The following CTDSPL2 variants were observed in gnomAD, a reference collection of about 807,000 sequenced individuals.
The protein encoded by CTDSPL2 is CTD small phosphatase like 2, also known as CTD small phosphatase-like protein 2.
In CTDSPL2, 5 loss-of-function variants were observed where a neutral mutation model predicts 60.0. That is an observed-to-expected ratio of 0.08 (90% confidence interval 0.04 to 0.18). The LOEUF (loss-of-function observed/expected upper bound fraction) is 0.18, where lower values mean the gene tolerates loss of function less well. CTDSPL2 is among the 10% of genes least tolerant of loss of function. The probability of loss-of-function intolerance (pLI) is 1.00; values close to 1 mark genes in which losing one functional copy is unlikely to be tolerated. For synonymous variants in CTDSPL2, 186 were observed against 189.3 expected (o/e 0.98, Z 0.14); for missense variants, 370 against 548.8 (o/e 0.67, Z 3.26).
intron 2 of CTDSPL2, among the ~76,000 whole-genome samples, chr15:44,465,653 A>C (rs1363554402): frequency 6.6e-6 from 1 of 151,984 alleles, no homozygotes; most frequent in Admixed American, 6.6e-5. Flanking sequence ...TTTTTGTTCA[A>C]AATCTTTAAC....
At chr15:44,435,069 G>A (rs1309569237) in intron 1 of CTDSPL2, among the ~76,000 whole-genome samples, 1 of 151,968 alleles carries the variant, frequency 6.6e-6, no homozygotes, top group Non-Finnish European at 1.5e-5. Flanking sequence ...AGACCAGCCT[G>A]ACCAACATGG....
In CTDSPL2 at chr15:44,459,160, T is replaced by C; in HGVS notation, c.146T>C (p.Leu49Ser). 1 of 1,608,914 alleles carries C rather than the reference T, an allele frequency of 6.2e-7. No homozygotes were observed. Among genetic ancestry groups the C allele is most frequent in the Non-Finnish European group, 8.5e-7 (1 of 1,178,250 alleles). ...CCATCGAAGAATGAAACCGGCTTGT[T>C]GTCTTCAATTAAAAAATTTATTAAA... Reference protein sequence around the residue: ...EKPSKNETGLLSSIKKFIKGS... With the variant: ...EKPSKNETGLSSSIKKFIKGS... The change falls in exon 2 of 13, where the codon TTG becomes TCG. Residue 49 changes from leucine to serine, a missense_variant. Physicochemically the swap from Leu to Ser is moderately radical, Grantham distance 145 (BLOSUM62 -2). Coordinates refer to ENST00000260327, the MANE Select transcript of CTDSPL2 (RefSeq NM_016396.3).
Position 44,484,274 on chromosome 15 carries a change from T to A in CTDSPL2, c.237T>A (p.Asp79Glu). The change falls in exon 3 of 13, where the codon GAT (aspartate) becomes GAA (glutamate). Residue 79 changes from aspartate (D) to glutamate (E), a missense_variant. Transcript: ENST00000260327. ...SKRSRIERDI[D>E]NNLITSTPRA... ...GGAGTAGAATTGAACGTGATATAGA[T>A]AACAATTTGATCACGTCAACACCAA... The A allele has an allele frequency of 6.2e-7, 1 of 1,612,862 alleles. No individual in the cohort carries two copies. The highest frequency in any genetic ancestry group is 1.1e-5 in the South Asian group (1 of 91,040).
At chr15:44,479,075 A>C (rs953867121) in intron 2 of CTDSPL2, among the ~76,000 whole-genome samples, 2 of 150,120 alleles carry the variant, frequency 1.3e-5, no homozygotes, top group Non-Finnish European at 2.9e-5. Context: ...AAAACAAACA[A>C]ACAAAAAAAA....
chr15:44,443,492 C>G (rs956823867), intron 1 of CTDSPL2, among the ~76,000 whole-genome samples: 3 of 152,218 alleles, frequency 2.0e-5, no homozygotes, highest in Non-Finnish European at 4.4e-5. Flanking sequence ...CTTTCCACAG[C>G]AGCTTTACTA....
At chr15:44,468,886 C>G (rs75196492) in intron 2 of CTDSPL2, among the ~76,000 whole-genome samples, 11 of 152,304 alleles carry the variant, frequency 7.2e-5, no homozygotes, top group African/African-American at 2.4e-4. Context: ...TGCTCCATCA[C>G]AACTGGGACA....
At chr15:44,504,113 G>A (rs557482075) in intron 8 of CTDSPL2, among the ~76,000 whole-genome samples, 2 of 152,108 alleles carry the variant, frequency 1.3e-5, no homozygotes, top group South Asian at 2.1e-4. Context: ...TTTGGGAGGC[G>A]GAGATGGGCA....
At chr15:44,491,056 T>C in intron 5 of CTDSPL2, 57 bp downstream of exon 5, 1 of 1,330,778 alleles carries the variant, frequency 7.5e-7, no homozygotes, top group Non-Finnish European at 1.1e-6. Flanking sequence ...AAAATAACAG[T>C]ATTTCATATT....
chr15:44,439,547 G>A (rs79085615), intron 1 of CTDSPL2, among the ~76,000 whole-genome samples: 21,055 of 151,238 alleles, frequency 0.14, 2,050 homozygotes, highest in African/African-American at 0.26. Flanking sequence ...TTTTTTTGGG[G>A]GGGGGGGAAT....
intron 2 of CTDSPL2, among the ~76,000 whole-genome samples, chr15:44,480,751 T>C (rs932614507): frequency 1.3e-5 from 2 of 151,920 alleles, no homozygotes; most frequent in African/African-American, 4.8e-5. Flanking sequence ...GAAGAATGCT[T>C]GAGCTTACGA....
intron 7 of CTDSPL2, among the ~76,000 whole-genome samples, 157 bp downstream of exon 7, chr15:44,497,295 T>C (rs2081316106): frequency 6.6e-6 from 1 of 152,192 alleles, no homozygotes; most frequent in Admixed American, 6.5e-5. Flanking sequence ...TGCAAGACCA[T>C]AACCCTTTTC....
At chr15:44,453,888 G>T (rs1348881963) in intron 1 of CTDSPL2, among the ~76,000 whole-genome samples, 2 of 152,090 alleles carry the variant, frequency 1.3e-5, no homozygotes, top group Admixed American at 1.3e-4. Flanking sequence ...GTAAACATAC[G>T]TGTGCATGTG....
intron 2 of CTDSPL2, among the ~76,000 whole-genome samples, chr15:44,464,125 T>TA (rs1425120893): frequency 6.6e-6 from 1 of 152,150 alleles, no homozygotes; most frequent in Non-Finnish European, 1.5e-5. Flanking sequence ...TTCTCCTGTC[T>TA]CAGCTTCCCG....
chr15:44,521,745 T>C (rs1444442870), intron 12 of CTDSPL2, among the ~76,000 whole-genome samples: 2 of 151,600 alleles, frequency 1.3e-5, no homozygotes, highest in Non-Finnish European at 2.9e-5. Context: ...GAGACCATCC[T>C]GGCTAACACG....
chr15:44,437,710 AG>A (rs2080004727), intron 1 of CTDSPL2, among the ~76,000 whole-genome samples: 1 of 152,220 alleles, frequency 6.6e-6, no homozygotes, highest in Non-Finnish European at 1.5e-5. Flanking sequence ...TTATGGATCC[AG>A]CATCTACCTT....
intron 1 of CTDSPL2, among the ~76,000 whole-genome samples, chr15:44,428,685 T>G (rs752358802): frequency 5.9e-5 from 9 of 152,238 alleles, no homozygotes; most frequent in Non-Finnish European, 1.3e-4. Context: ...AGTACCAAGA[T>G]GAATTTCTTC....
chr15:44,516,589 T>G (rs1036750621), intron 10 of CTDSPL2: 2 of 152,250 alleles, frequency 1.3e-5, no homozygotes, highest in Non-Finnish European at 2.9e-5. Context: ...TTTGTTTTGA[T>G]GACTTCATTC....
intron 2 of CTDSPL2, among the ~76,000 whole-genome samples, chr15:44,464,714 T>C (rs2080647929): frequency 6.6e-6 from 1 of 152,158 alleles, no homozygotes; most frequent in Non-Finnish European, 1.5e-5. Flanking sequence ...CCTTTTTTTG[T>C]GCGTGTATGT....
intron 4 of CTDSPL2, among the ~76,000 whole-genome samples, chr15:44,487,845 G>A (rs1243302047): frequency 2.0e-5 from 3 of 152,164 alleles, no homozygotes; most frequent in Admixed American, 2.0e-4. Context: ...GCCGGGCACC[G>A]TGGCTTATAC....
Sources: gnomAD v4.1 joint callset for allele counts (sites outside exome capture counted in the v4.1 genomes callset) on GRCh38, gnomAD v4.1.1 for gene constraint, MANE v1.5 for transcripts, NCBI Gene and HGNC (gene_info 2026-07-23, HGNC 2026-07-21) for gene names.